Variants in ADNP2 observed in about 807,000 individuals in gnomAD.
ADNP2 encodes ADNP homeobox 2.
In ADNP2, 8 loss-of-function variants were observed where a neutral mutation model predicts 16.4. The observed-to-expected ratio is 0.49, with a 90% CI of 0.29 to 0.88. ADNP2 has a LOEUF of 0.88. Among genes scored for constraint, ADNP2 ranks in the 40% least tolerant of loss-of-function variants. The pLI, the probability that ADNP2 is intolerant of heterozygous loss-of-function variation, is 0.09. For synonymous variants in ADNP2, 637 were observed against 545.8 expected (o/e 1.17, Z -2.33); for missense variants, 1,397 against 1,395.1 (o/e 1.00, Z -0.02).
At chr18:80,116,353 T>G (rs1442435814) in intron 1 of ADNP2, among the ~76,000 whole-genome samples, 2 of 152,198 alleles carry the variant, frequency 1.3e-5, no homozygotes, top group Non-Finnish European at 2.9e-5. Context: ...AACATCCTTA[T>G]ATAAGTTTTT....
chr18:80,139,821 G>C lies in ADNP2; in HGVS notation c.*1012G>C, dbSNP rs2052569226. On this transcript the variant is annotated 3_prime_UTR_variant, in exon 4 of 4. Transcript: ENST00000262198. ...ACTGAGATCTCAGTCTCCATGGTTGGTACAGTAAGTCTTTGACCACATTTT... is the reference window on the plus strand; with the variant it reads ...ACTGAGATCTCAGTCTCCATGGTTGCTACAGTAAGTCTTTGACCACATTTT... 1 of 152,196 alleles carries C rather than the reference G, an allele frequency of 6.6e-6. No homozygotes were observed. Among genetic ancestry groups the C allele is most frequent in the Non-Finnish European group, 1.5e-5 (1 of 68,030 alleles). The allele number at this position is 152,196 out of a possible 1,614,324, so 9.4% of individuals were successfully genotyped here. A position where few individuals can be genotyped will look rare whatever the true frequency, so the allele number is the denominator to read the frequency against.
chr18:80,114,635 A>T (rs1599803049), intron 1 of ADNP2, among the ~76,000 whole-genome samples: 1 of 152,200 alleles, frequency 6.6e-6, no homozygotes, highest in African/African-American at 2.4e-5. Context: ...TATAGTCTAT[A>T]TAACTATATA....
chr18:80,127,067 C>G (rs2052463916), intron 2 of ADNP2, among the ~76,000 whole-genome samples: 1 of 152,126 alleles, frequency 6.6e-6, no homozygotes, highest in Admixed American at 6.6e-5. Context: ...ACTTTTATTA[C>G]TGTATATTGT....
At position 80,136,722 on chromosome 18, in the gene ADNP2, G is replaced by T; in HGVS notation, c.1309G>T (p.Val437Leu). Residue 437 changes from valine to leucine, a missense_variant, in exon 4 of 4, where the codon GTG becomes TTG. Val to Leu is a conservative substitution (Grantham distance 32). Coordinates refer to ENST00000262198, the MANE Select transcript of ADNP2 (RefSeq NM_014913.4). ...GGTCCTGCAGGCTGTCTCGCCAGGG[G>T]TGCTTTCTGTGAGTCGGGCGGTCCC... ...PGVLQAVSPG[V>L]LSVSRAVPSG... is the part of the protein sequence containing the mutation. 2 of 1,613,570 alleles carry T rather than the reference G, an allele frequency of 1.2e-6. No individual in the cohort carries two copies. The highest frequency in any genetic ancestry group is 2.2e-5 in the East Asian group (1 of 44,868).
intron 2 of ADNP2, among the ~76,000 whole-genome samples, chr18:80,130,104 C>G (rs186839545): frequency 1.3e-5 from 2 of 152,244 alleles, no homozygotes; most frequent in Non-Finnish European, 1.5e-5. Flanking sequence ...TCTCCTGTGA[C>G]TTCGTGTGTT....
At position 80,137,889 on chromosome 18, in the gene ADNP2, A is replaced by G. The variant is rs1233019751; in HGVS notation, c.2476A>G (p.Ile826Val). Residue 826 changes from isoleucine (I) to valine (V), a missense_variant, in exon 4 of 4, where the codon ATC becomes GTC. Physicochemically the swap from Ile to Val is conservative, Grantham distance 29. This residue lies in a region of ADNP2 where 611 missense variants were observed against 648.7 expected (regional missense o/e 0.94). Coordinates refer to ENST00000262198, the MANE Select transcript of ADNP2 (RefSeq NM_014913.4). The surrounding 1 kb of genome is among the most constrained non-coding windows in gnomAD (Gnocchi z 4.2). ...GNLLFPHLDF[I>V]TILPKEKLGE... ...CCTGCTCTTTCCCCACCTTGATTTC[A>G]TCACCATATTGCCAAAGGAGAAGCT... 1 of 1,614,056 alleles carries G rather than the reference A, an allele frequency of 6.2e-7. No homozygotes were observed. The highest frequency in any genetic ancestry group is 8.5e-7 in the Non-Finnish European group (1 of 1,180,028).
rs762071788 is a variant in ADNP2 at position 80,138,733 on chromosome 18, C to T, written c.3320C>T (p.Pro1107Leu). Residue 1107 changes from proline to leucine, a missense_variant, in exon 4 of 4, where the codon CCT becomes CTT. Pro to Leu is a moderately conservative substitution (Grantham distance 98, BLOSUM62 -3). Transcript: ENST00000262198. ...ICMKAIKNHK[P>L]SVLLGFDMSE... ...ATGAAAGCAATAAAAAATCACAAGC[C>T]TTCTGTACTTTTAGGCTTTGATATG... The T allele has an allele frequency of 1.2e-6, 2 of 1,605,260 alleles. No homozygotes were observed. Among genetic ancestry groups the T allele is most frequent in the Non-Finnish European group, 1.7e-6 (2 of 1,178,176 alleles).
Position 80,140,248 on chromosome 18 carries a change from CTG to C in ADNP2, c.*1441_*1442del, listed in dbSNP as rs959340503. On this transcript the variant is annotated 3_prime_UTR_variant, in exon 4 of 4. Coordinates refer to ENST00000262198, the MANE Select transcript of ADNP2 (RefSeq NM_014913.4). Reference sequence around the variant, plus strand: ...ACTGGTTTATGATTGTTGGTGTACTCTGTTGTAAATTCAAAGAGAGCTTGTTG... The same window carrying C: ...ACTGGTTTATGATTGTTGGTGTACTCTTGTAAATTCAAAGAGAGCTTGTTG... 7 of 152,178 alleles carry C rather than the reference CTG, an allele frequency of 4.6e-5. No homozygotes were observed. Among genetic ancestry groups the C allele is most frequent in the East Asian group, 3.9e-4 (2 of 5,176 alleles). The allele number at this position is 152,178 out of a possible 1,614,324, so 9.4% of individuals were successfully genotyped here.
chr18:80,116,352 A>ATAT (rs2052389344), intron 1 of ADNP2, among the ~76,000 whole-genome samples: 1 of 152,142 alleles, frequency 6.6e-6, no homozygotes, highest in Non-Finnish European at 1.5e-5. Context: ...GAACATCCTT[A>ATAT]TATAAGTTTT....
At chr18:80,116,004 A>G (rs2052386841) in intron 1 of ADNP2, among the ~76,000 whole-genome samples, 1 of 151,976 alleles carries the variant, frequency 6.6e-6, no homozygotes, top group Non-Finnish European at 1.5e-5. Context: ...ACCTCAGGTG[A>G]TCCACCCACC....
chr18:80,137,060 T>G lies in ADNP2; in HGVS notation c.1647T>G (p.Val549=), dbSNP rs1256413495. 1 of 1,613,950 alleles carries G rather than the reference T, an allele frequency of 6.2e-7. No individual in the cohort carries two copies. Among genetic ancestry groups the G allele is most frequent in the African/African-American group, 1.3e-5 (1 of 74,906 alleles). ...GTGTTCTGCAGCTTAGTCAGCCTGT[T>G]GTGTCGGGAGTTCTTCCTGTGGGCC... The part of the protein sequence containing the change: ...NSGVLQLSQP[V]VSGVLPVGQP... Residue 549 remains valine (V), a synonymous_variant, in exon 4 of 4, where the codon GTT becomes GTG. Transcript: ENST00000262198. This position sits in a 1 kb window ranked among gnomAD's most constrained non-coding sequence, Gnocchi z 4.2.
At chr18:80,111,161 C>T (rs1239694219) in intron 1 of ADNP2, among the ~76,000 whole-genome samples, 1 of 152,140 alleles carries the variant, frequency 6.6e-6, no homozygotes, top group Non-Finnish European at 1.5e-5. Context: ...TGATTTGAAC[C>T]CAGATCTGCT....
rs2052563418 is a variant in ADNP2, at chr18:80,138,964, T to TA, written c.*156dup. On this transcript the variant is annotated 3_prime_UTR_variant, in exon 4 of 4. Transcript: ENST00000262198. Reference sequence around the variant, plus strand: ...CTTCAGGTGCTGGAGAGACCCCTGTTACCAGGAAGCCAGTAGTTATTTCAC... The same window carrying TA: ...CTTCAGGTGCTGGAGAGACCCCTGTTAACCAGGAAGCCAGTAGTTATTTCAC... The TA allele has an allele frequency of 1.7e-6, 1 of 585,416 alleles. No individual in the cohort carries two copies. Among genetic ancestry groups the TA allele is most frequent in the African/African-American group, 1.9e-5 (1 of 51,578 alleles). 36.3% of individuals were successfully genotyped at this position (585,416 alleles called of 1,614,324 possible).
chr18:80,129,039 T>C (rs2052478506), intron 2 of ADNP2, among the ~76,000 whole-genome samples: 2 of 152,050 alleles, frequency 1.3e-5, no homozygotes, highest in African/African-American at 2.4e-5. Context: ...ATGTATTACA[T>C]ATTCACCTTA....
chr18:80,138,501 A>G lies in ADNP2; in HGVS notation c.3088A>G (p.Ile1030Val), dbSNP rs1365693619. The change falls in exon 4 of 4, where the codon ATT becomes GTT. Residue 1030 changes from isoleucine to valine, a missense_variant. By Grantham distance (29) the Ile-to-Val change is conservative. This residue lies in a region of ADNP2 where 611 missense variants were observed against 648.7 expected (regional missense o/e 0.94). Coordinates refer to ENST00000262198, the MANE Select transcript of ADNP2 (RefSeq NM_014913.4). ...GAATGAAAGCAGAACAGAGGGACCTATTGTCAAGGACGAGGCTCTTCAGAT... is the reference window on the plus strand; with the variant it reads ...GAATGAAAGCAGAACAGAGGGACCTGTTGTCAAGGACGAGGCTCTTCAGAT... ...QRNESRTEGP[I>V]VKDEALQILA... 1.2e-6 allele frequency: 2 copies of G among 1,614,176 alleles called. No individual in the cohort carries two copies. The highest frequency in any genetic ancestry group is 1.1e-5 in the South Asian group (1 of 91,072).
intron 2 of ADNP2, among the ~76,000 whole-genome samples, chr18:80,120,665 A>T (rs895719931): frequency 1.3e-4 from 19 of 146,548 alleles, no homozygotes; most frequent in African/African-American, 4.0e-4. Flanking sequence ...TTATTCATTT[A>T]TTTTTTTTTG....
chr18:80,123,164 G>A (rs548276338), intron 2 of ADNP2, among the ~76,000 whole-genome samples: 2 of 152,184 alleles, frequency 1.3e-5, no homozygotes, highest in African/African-American at 4.8e-5. Context: ...TTCTTGGGAT[G>A]GAATGCACTC....
chr18:80,125,659 A>T (rs371970636), intron 2 of ADNP2, among the ~76,000 whole-genome samples: 2 of 151,950 alleles, frequency 1.3e-5, no homozygotes, highest in Admixed American at 6.6e-5. Context: ...AAAATAAAAA[A>T]AAATAGCCAG....
At chr18:80,123,452 A>T (rs1296486894) in intron 2 of ADNP2, among the ~76,000 whole-genome samples, 15 of 150,886 alleles carry the variant, frequency 9.9e-5, no homozygotes. Context: ...GCTCACCGCA[A>T]CCTCCGCCTC....
Sources: allele counts gnomAD v4.1 joint callset (sites outside exome capture counted in the v4.1 genomes callset), GRCh38; gene constraint gnomAD v4.1.1; regional missense constraint gnomAD v4.1.1; non-coding constraint Gnocchi (gnomAD v3.1); transcripts MANE v1.5; gene names NCBI Gene and HGNC (gene_info 2026-07-23, HGNC 2026-07-21).